Variants in SHE observed in about 807,000 individuals in gnomAD.
SHE encodes SH2 domain-containing adapter protein E.
SHE carries 11 observed loss-of-function variants against 49.8 expected under a neutral mutation model. The ratio of observed to expected loss-of-function variants is 0.22; its 90% CI spans 0.14 to 0.37. SHE has a LOEUF of 0.37. Among genes scored for constraint, SHE ranks in the 10% least tolerant of loss-of-function variants. The pLI is 1.00. For synonymous variants in SHE, 310 were observed against 278.1 expected (o/e 1.11, Z -1.14); for missense variants, 624 against 655.5 (o/e 0.95, Z 0.52).
chr1:154,486,789 T>C (rs1557797794), intron 3 of SHE, 106 bp from the exon 4 acceptor site: 7 of 1,332,482 alleles, frequency 5.3e-6, no homozygotes, highest in East Asian at 2.3e-5. Flanking sequence ...AGAAGCATTT[T>C]CCCCCTTTAA....
chr1:154,492,535 G>T (rs1156361082), intron 2 of SHE, among the ~76,000 whole-genome samples: 1 of 152,192 alleles, frequency 6.6e-6, no homozygotes, highest in Non-Finnish European at 1.5e-5. Flanking sequence ...GGTATCTGGG[G>T]TTGTCTGAGG....
In SHE at chr1:154,500,201, C is replaced by T. The variant is rs368932868; in HGVS notation, c.592-963G>A. 3.4e-4 allele frequency among the ~76,000 whole-genome samples: 52 copies of T among 152,320 alleles called. No individual in the cohort carries two copies. The East Asian group carries it at 8.5e-3, about 25-fold the overall frequency. ...CAACCACTGCAAGGGACTGTGACTG[C>T]GACTGCCATTCACTTAATCCATTTT... On this transcript the variant is annotated intron_variant, in intron 1 of 5. Transcript: ENST00000304760.
intron 3 of SHE, 107 bp from the exon 4 acceptor site, chr1:154,486,790 C>T: frequency 7.7e-7 from 1 of 1,293,454 alleles, no homozygotes; most frequent in Non-Finnish European, 1.1e-6. Flanking sequence ...GAAGCATTTT[C>T]CCCCTTTAAC....
chr1:154,482,870 A>T lies in SHE; in HGVS notation c.*1279T>A. On this transcript the variant is annotated 3_prime_UTR_variant, in exon 6 of 6. Transcript: ENST00000304760. ...GAGAGAATCTTTGTAGGCTTTAGAGACCCAGTTCATATAATCAGATCTTAG... is the reference window on the plus strand; with the variant it reads ...GAGAGAATCTTTGTAGGCTTTAGAGTCCCAGTTCATATAATCAGATCTTAG... 2.0e-6 allele frequency: 2 copies of T among 985,418 alleles called. No homozygotes were observed. Among genetic ancestry groups the T allele is most frequent in the Non-Finnish European group, 2.4e-6 (2 of 829,916 alleles). 61.0% of individuals were successfully genotyped at this position (985,418 alleles called of 1,614,324 possible).
chr1:154,498,538 CA>C (rs1362909697), intron 2 of SHE, among the ~76,000 whole-genome samples: 2 of 151,832 alleles, frequency 1.3e-5, no homozygotes, highest in African/African-American at 4.8e-5. Flanking sequence ...GCTGGGATTA[CA>C]GGTGTGCACC....
rs1217610029 is a variant in SHE at position 154,489,229 on chromosome 1, G to A, written c.846C>T (p.Leu282=). Residue 282 remains leucine (L), a synonymous_variant, in exon 3 of 6, where the codon CTC becomes CTT. Transcript: ENST00000304760. ...TLAKRRSSKD[L]LGKPPQLYDT... ...CGTATAGCTGTGGCGGCTTCCCCAG[G>A]AGGTCCTTGGAACTCCGTCTTTTGG... 1 of 1,614,108 alleles carries A rather than the reference G, an allele frequency of 6.2e-7. No homozygotes were observed. Among genetic ancestry groups the A allele is most frequent in the East Asian group, 2.2e-5 (1 of 44,890 alleles).
At chr1:154,484,378 G>T in intron 5 of SHE, 43 bp from the exon 6 acceptor site, 1 of 1,552,270 alleles carries the variant, frequency 6.4e-7, no homozygotes, top group South Asian at 1.1e-5. Context: ...AGTGGGCAGA[G>T]GATCCCTCCC....
Position 154,501,716 on chromosome 1 carries a change from G to A in SHE, c.311C>T (p.Ser104Phe), listed in dbSNP as rs1477805918. The change falls in exon 1 of 6, where the codon TCC becomes TTC. Residue 104 changes from serine to phenylalanine, a missense_variant. Physicochemically the swap from Ser to Phe is radical, Grantham distance 155. Transcript: ENST00000304760. ...AATCAGACCCTGCAGGCTGTCGCGGGACAGCCGGCTGTCCTTGGGGCCGAC... is the reference window on the plus strand; with the variant it reads ...AATCAGACCCTGCAGGCTGTCGCGGAACAGCCGGCTGTCCTTGGGGCCGAC... ...AGVGPKDSRL[S>F]RDSLQGLIQA... The A allele has an allele frequency of 1.4e-5, 23 of 1,604,172 alleles. No homozygotes were observed. The highest frequency in any genetic ancestry group is 2.0e-5 in the Non-Finnish European group (23 of 1,177,068).
chr1:154,494,374 GTT>G (rs779645667), intron 2 of SHE, among the ~76,000 whole-genome samples: 65 of 118,736 alleles, frequency 5.5e-4, no homozygotes, highest in African/African-American at 1.6e-3. Context: ...AGACATAACA[GTT>G]TTTTTTTTTT....
rs930252355 is a variant in SHE at position 154,473,785 on chromosome 1, C to T, written c.103-3423G>A. Among the ~76,000 whole-genome samples, 9 of 150,920 alleles carry T rather than the reference C, an allele frequency of 6.0e-5. No individual in the cohort carries two copies. In the South Asian group the frequency reaches 1.0e-3, roughly 18 times the overall value. ...CACCACTGCCTTCCAACCTGGGTGA[C>T]GAGTGAGACCCTGCCTCAAAAAATA... On this transcript the variant is annotated intron_variant, in intron 1 of 1. Coordinates refer to the SHE transcript ENST00000486773.
Position 154,501,965 on chromosome 1 carries a change from C to G in SHE, c.62G>C (p.Cys21Ser). 7.0e-7 allele frequency: 1 copy of G among 1,429,316 alleles called. No homozygotes were observed. The highest frequency in any genetic ancestry group is 9.1e-7 in the Non-Finnish European group (1 of 1,101,778). 88.5% of individuals were successfully genotyped at this position (1,429,316 alleles called of 1,614,324 possible). Residue 21 changes from cysteine to serine, a missense_variant, in exon 1 of 6, where the codon TGC becomes TCC. This residue lies in a region of SHE where 337 missense variants were observed against 306.0 expected (regional missense o/e 1.10). Coordinates refer to ENST00000304760, the MANE Select transcript of SHE (RefSeq NM_001010846.3). ...GCCCAGGAGCGTCGGGGCCGTGGAG[C>G]AGGCGAGCGAGGAAGCCCAGCCCAG... ...ACLGWASSLA[C>S]STAPTLLGRA...
intron 4 of SHE, 85 bp downstream of exon 4, chr1:154,486,442 T>C (rs1571048301): frequency 1.1e-5 from 16 of 1,520,902 alleles, no homozygotes; most frequent in Middle Eastern, 4.7e-4. Flanking sequence ...AAAATAATCA[T>C]GTGAAATGGG....
At chr1:154,478,615 AT>A (rs1391617582), downstream of SHE, among the ~76,000 whole-genome samples, 1 of 152,130 alleles carries the variant, frequency 6.6e-6, no homozygotes, top group East Asian at 1.9e-4. Flanking sequence ...GATGAAAAGC[AT>A]TTGTTCAGCA....
At position 154,482,725 on chromosome 1, in the gene SHE, C is replaced by G; in HGVS notation, c.*1424G>C. On this transcript the variant is annotated 3_prime_UTR_variant, in exon 6 of 6. Transcript: ENST00000304760. The stretch of plus-strand genomic sequence containing the variant: ...ACAGTAAATAAACTGGTGATATAAG[C>G]TCATGATAAATCATAAAGATCCTAA... The G allele has an allele frequency of 1.0e-6, 1 of 985,322 alleles. No individual in the cohort carries two copies. Among genetic ancestry groups the G allele is most frequent in the South Asian group, 4.7e-5 (1 of 21,282 alleles). 61.0% of individuals were successfully genotyped at this position (985,322 alleles called of 1,614,324 possible).
rs1466006741 is a variant in SHE at position 154,479,572 on chromosome 1, C to A, written c.*4577G>T. On this transcript the variant is annotated 3_prime_UTR_variant, in exon 6 of 6. Coordinates refer to ENST00000304760, the MANE Select transcript of SHE (RefSeq NM_001010846.3). The stretch of plus-strand genomic sequence containing the variant: ...CCTATATTGGCTACTGCAAAACAAC[C>A]AGAAGTTTTATAAAATATTTCTGAT... 1.0e-6 allele frequency: 1 copy of A among 980,134 alleles called. No individual in the cohort carries two copies. Among genetic ancestry groups the A allele is most frequent in the Non-Finnish European group, 1.2e-6 (1 of 825,172 alleles). 60.7% of individuals were successfully genotyped at this position (980,134 alleles called of 1,614,324 possible). A position where few individuals can be genotyped will look rare whatever the true frequency, so the allele number is the denominator to read the frequency against.
At position 154,481,232 on chromosome 1, in the gene SHE, T is replaced by C. The variant is rs1037132828; in HGVS notation, c.*2917A>G. On this transcript the variant is annotated 3_prime_UTR_variant, in exon 6 of 6. Coordinates refer to ENST00000304760, the MANE Select transcript of SHE (RefSeq NM_001010846.3). Reference sequence around the variant, plus strand: ...GGAACTTTGTGCCACCACACAGCTGTGAACTCCCTGGCTTTTGTCAGCTTG... The same window carrying C: ...GGAACTTTGTGCCACCACACAGCTGCGAACTCCCTGGCTTTTGTCAGCTTG... The C allele has an allele frequency of 7.1e-6, 7 of 985,312 alleles. No individual in the cohort carries two copies. The African/African-American group carries it at 1.2e-4, about 17-fold the overall frequency. 61.0% of individuals were successfully genotyped at this position (985,312 alleles called of 1,614,324 possible). A position where few individuals can be genotyped will look rare whatever the true frequency, so the allele number is the denominator to read the frequency against.
intron 2 of SHE, among the ~76,000 whole-genome samples, chr1:154,494,106 T>G (rs943270215): frequency 2.0e-5 from 3 of 152,326 alleles, no homozygotes; most frequent in Middle Eastern, 3.4e-3. Context: ...TGGAGCCTCT[T>G]AAGACTCTAT....
At chr1:154,479,391 T>A (rs893161761), downstream of SHE, 4 of 560,138 alleles carry the variant, frequency 7.1e-6, no homozygotes, top group Non-Finnish European at 9.1e-6. Flanking sequence ...TGACTGCAAA[T>A]GAAACTCTGC....
intron 1 of SHE, among the ~76,000 whole-genome samples, chr1:154,473,332 G>A (rs994606404): frequency 2.0e-5 from 3 of 151,736 alleles, no homozygotes; most frequent in African/African-American, 4.8e-5. Flanking sequence ...CCAATTAACC[G>A]AGCATGGTGG....
Sources: gnomAD v4.1 joint callset for allele counts (sites outside exome capture counted in the v4.1 genomes callset) on GRCh38, gnomAD v4.1.1 for gene constraint, gnomAD v4.1.1 regional missense constraint, MANE v1.5 for transcripts, NCBI Gene and HGNC (gene_info 2026-07-23, HGNC 2026-07-21) for gene names.